The following VKORC1L1 variants were observed in gnomAD, a reference collection of about 807,000 sequenced individuals.
VKORC1L1 encodes vitamin K epoxide reductase complex subunit 1-like protein 1.
In VKORC1L1, 2 loss-of-function variants were observed where a neutral mutation model predicts 18.9. The ratio of observed to expected loss-of-function variants is 0.11; its 90% CI spans 0.04 to 0.33. The LOEUF is 0.33. Ranked by LOEUF, VKORC1L1 falls within the 10% of genes least tolerant of loss-of-function variation. The pLI is 1.00. For missense variants in VKORC1L1, 123 were observed against 224.1 expected (o/e 0.55, Z 2.88); for synonymous variants, 96 against 100.0 (o/e 0.96, Z 0.24).
At chr7:65,909,690 TTG>T (rs56074368) in intron 1 of VKORC1L1, among the ~76,000 whole-genome samples, 25,603 of 123,418 alleles carry the variant, frequency 0.21, 2,842 homozygotes, top group Non-Finnish European at 0.26. Flanking sequence ...GTTTTAGCCT[TTG>T]TGTGTGTGTG....
Position 65,945,136 on chromosome 7 carries a change from T to C in VKORC1L1, c.195-3535T>C, listed in dbSNP as rs567095390. Among the ~76,000 whole-genome samples, 48 of 150,924 alleles carry C rather than the reference T, an allele frequency of 3.2e-4. 1 individual carries two copies. In the South Asian group the frequency reaches 9.6e-3, roughly 30 times the overall value. The stretch of plus-strand genomic sequence containing the variant: ...ATTAGCTGGGCGTGGTGGCGGGTGC[T>C]AGTAATCCCAACTACTCAAAAGGCT... On this transcript the variant is annotated intron_variant, in intron 1 of 2. Transcript: ENST00000360768.
At position 65,951,755 on chromosome 7, in the gene VKORC1L1, A is replaced by C. The variant is rs189137690; in HGVS notation, c.305-2319A>C. Reference sequence around the variant, plus strand: ...CAATCTTAATTTTCCTCCTTTTTAAAATATAAAAGGCAGATGCTATACCCA... The same window carrying C: ...CAATCTTAATTTTCCTCCTTTTTAACATATAAAAGGCAGATGCTATACCCA... On this transcript the variant is annotated intron_variant, in intron 2 of 2. Coordinates refer to ENST00000360768, the MANE Select transcript of VKORC1L1 (RefSeq NM_173517.6). Among the ~76,000 whole-genome samples, 35 of 152,228 alleles carry C rather than the reference A, an allele frequency of 2.3e-4. 1 individual carries two copies. In the East Asian group the frequency reaches 5.0e-3, roughly 22 times the overall value.
At chr7:65,945,761 G>A (rs893974431) in intron 1 of VKORC1L1, among the ~76,000 whole-genome samples, 21 of 152,106 alleles carry the variant, frequency 1.4e-4, no homozygotes, top group Non-Finnish European at 2.2e-4. Context: ...GTATAACTTT[G>A]ATAATATATT....
chr7:65,890,072 C>T (rs911556102), intron 1 of VKORC1L1, among the ~76,000 whole-genome samples: 1 of 151,914 alleles, frequency 6.6e-6, no homozygotes. Flanking sequence ...ATTCTCCTGC[C>T]TCAGCCTGCC....
At chr7:65,943,064 G>A (rs1247539429) in intron 1 of VKORC1L1, among the ~76,000 whole-genome samples, 1 of 152,044 alleles carries the variant, frequency 6.6e-6, no homozygotes, top group Non-Finnish European at 1.5e-5. Context: ...GAAAGTCTAC[G>A]AAATCATAGT....
chr7:65,947,887 C>T (rs1193817008), intron 1 of VKORC1L1, among the ~76,000 whole-genome samples: 2 of 152,106 alleles, frequency 1.3e-5, no homozygotes, highest in Non-Finnish European at 2.9e-5. Context: ...AGACGGGTTT[C>T]ACCATGCTGG....
At chr7:65,918,174 G>A (rs1043857657) in intron 1 of VKORC1L1, among the ~76,000 whole-genome samples, 6 of 152,146 alleles carry the variant, frequency 3.9e-5, no homozygotes, top group Admixed American at 1.3e-4. Flanking sequence ...TTCTACTACA[G>A]TTTTCCTTGT....
At chr7:65,921,535 G>A (rs1789675190) in intron 1 of VKORC1L1, among the ~76,000 whole-genome samples, 1 of 152,000 alleles carries the variant, frequency 6.6e-6, no homozygotes, top group Non-Finnish European at 1.5e-5. Flanking sequence ...ACAGGTGCGT[G>A]CCACCATGCT....
intron 1 of VKORC1L1, among the ~76,000 whole-genome samples, chr7:65,873,790 G>C (rs1175360127): frequency 6.6e-6 from 1 of 151,618 alleles, no homozygotes; most frequent in Non-Finnish European, 1.5e-5. Context: ...GGGCCGCGAG[G>C]CAGCCGGGGA....
intron 1 of VKORC1L1, among the ~76,000 whole-genome samples, chr7:65,880,735 C>G (rs188760620): frequency 3.3e-5 from 5 of 152,110 alleles, no homozygotes; most frequent in Admixed American, 1.3e-4. Context: ...TTGAGAAGAA[C>G]AGCAAGTGGT....
chr7:65,935,121 G>C (rs1583858919), intron 1 of VKORC1L1, among the ~76,000 whole-genome samples: 1 of 151,410 alleles, frequency 6.6e-6, no homozygotes, highest in South Asian at 2.1e-4. Flanking sequence ...ATTTCCCTCT[G>C]GTGTCATTCT....
At chr7:65,919,987 A>G (rs1417053900) in intron 1 of VKORC1L1, among the ~76,000 whole-genome samples, 1 of 152,076 alleles carries the variant, frequency 6.6e-6, no homozygotes, top group Non-Finnish European at 1.5e-5. Flanking sequence ...TAAAGACCCC[A>G]TGATCTACTG....
chr7:65,912,759 A>G (rs147539821), intron 1 of VKORC1L1, among the ~76,000 whole-genome samples: 3 of 152,238 alleles, frequency 2.0e-5, no homozygotes, highest in Admixed American at 6.5e-5. Flanking sequence ...GTAAAATACA[A>G]TTGAAACAAA....
Position 65,954,366 on chromosome 7 carries a change from T to TTA in VKORC1L1, c.*67_*68insAT, listed in dbSNP as rs71982071. ...CATTCAGTTTATTTTGCAGCAGGTT[T>TTA]TTATTATTATTATTATTATTATTAT... is the stretch of plus-strand genomic sequence containing the variant. On this transcript the variant is annotated 3_prime_UTR_variant, in exon 3 of 3. Transcript: ENST00000360768. 6.1e-6 allele frequency: 9 copies of TTA among 1,477,428 alleles called. No individual in the cohort carries two copies. The highest frequency in any genetic ancestry group is 2.6e-5 in the East Asian group (1 of 38,600). The allele number at this position is 1,477,428 out of a possible 1,614,324, so 91.5% of individuals were successfully genotyped here. A position where few individuals can be genotyped will look rare whatever the true frequency, so the allele number is the denominator to read the frequency against.
At position 65,919,695 on chromosome 7, in the gene VKORC1L1, G is replaced by A. The variant is rs60083597; in HGVS notation, c.195-28976G>A. On this transcript the variant is annotated intron_variant, in intron 1 of 2. Coordinates refer to ENST00000360768, the MANE Select transcript of VKORC1L1 (RefSeq NM_173517.6). ...TGGGATCATTGCAGTAGCAGACTGA[G>A]TTTATTTCCATCCTTCTTCCTCATA... Among the ~76,000 whole-genome samples the A allele has an allele frequency of 2.5e-3, 381 of 152,290 alleles. 3 individuals are homozygous for A. Among genetic ancestry groups the A allele is most frequent in the African/African-American group, 8.7e-3 (361 of 41,560 alleles).
chr7:65,890,907 C>G (rs981191758), intron 1 of VKORC1L1, among the ~76,000 whole-genome samples: 5 of 152,068 alleles, frequency 3.3e-5, no homozygotes, highest in African/African-American at 1.2e-4. Context: ...TAACCACTAC[C>G]CAGATGAAGA....
intron 1 of VKORC1L1, among the ~76,000 whole-genome samples, chr7:65,924,744 A>G (rs903758311): frequency 1.3e-5 from 2 of 152,186 alleles, no homozygotes; most frequent in African/African-American, 4.8e-5. Flanking sequence ...GTGAAAATCT[A>G]TCTAGTAATT....
intron 1 of VKORC1L1, among the ~76,000 whole-genome samples, chr7:65,878,413 C>T (rs537609193): frequency 1.3e-5 from 2 of 151,854 alleles, no homozygotes; most frequent in Middle Eastern, 3.4e-3. Context: ...TGCCACTGCC[C>T]TCCTGCCTGG....
chr7:65,909,302 C>A (rs1789460745), intron 1 of VKORC1L1, among the ~76,000 whole-genome samples: 1 of 151,498 alleles, frequency 6.6e-6, no homozygotes, highest in Non-Finnish European at 1.5e-5. Context: ...TTTCAAGTGA[C>A]AATATAAAGC....
Sources: allele counts gnomAD v4.1 joint callset (sites outside exome capture counted in the v4.1 genomes callset), GRCh38; gene constraint gnomAD v4.1.1; transcripts MANE v1.5; gene names NCBI Gene and HGNC (gene_info 2026-07-23, HGNC 2026-07-21).